DLGAP2: variants seen among roughly 807,000 people sequenced by gnomAD.
The protein encoded by DLGAP2 is disks large-associated protein 2.
DLGAP2 carries 26 observed loss-of-function variants against 100.3 expected under a neutral mutation model. The observed-to-expected ratio is 0.26, with a 90% CI of 0.19 to 0.36. The LOEUF is 0.36. DLGAP2 is among the 10% of genes least tolerant of loss of function. The probability of loss-of-function intolerance (pLI) is 1.00; values close to 1 mark genes in which losing one functional copy is unlikely to be tolerated. For synonymous variants in DLGAP2, 886 were observed against 630.1 expected (o/e 1.41, Z -6.08); for missense variants, 1,858 against 1,453.2 (o/e 1.28, Z -4.53).
chr8:1,095,291 A>C (rs1804330611), intron 2 of DLGAP2, among the ~76,000 whole-genome samples: 2 of 152,204 alleles, frequency 1.3e-5, no homozygotes, highest in African/African-American at 4.8e-5. Context: ...AGATGGGTTT[A>C]GCACCCAAAT....
rs756778396 is a variant in DLGAP2, at chr8:1,632,897, A to T, written c.1661A>T (p.Gln554Leu). ...CESVFSEVESQAMDALDLPGC... is the reference protein window; with the variant it reads ...CESVFSEVESLAMDALDLPGC... The stretch of plus-strand genomic sequence containing the variant: ...TCCGTCTTCAGTGAAGTTGAATCTC[A>T]GGCCATGGATGCCCTCGACCTCCCG... The change falls in exon 8 of 15, where the codon CAG becomes CTG. Residue 554 changes from glutamine to leucine, a missense_variant. Transcript: ENST00000637795. The T allele has an allele frequency of 1.9e-6, 3 of 1,613,944 alleles. No homozygotes were observed.
At position 1,461,622 on chromosome 8, in the gene DLGAP2, C is replaced by T. The variant is rs570334447; in HGVS notation, c.107-39744C>T. Among the ~76,000 whole-genome samples the T allele has an allele frequency of 1.2e-3, 44 of 37,416 alleles. No homozygotes were observed. In the East Asian group the frequency reaches 0.019, roughly 16 times the overall value. 24.5% of individuals were successfully genotyped at this position (37,416 alleles called of 152,430 possible). On this transcript the variant is annotated intron_variant, in intron 3 of 14. Coordinates refer to ENST00000637795, the MANE Select transcript of DLGAP2 (RefSeq NM_001346810.2). ...CGTGGGCTGGGTGCAGTCGCTGATT[C>T]GGTGGCCAGGAGGAGGGAGAAGGGC...
chr8:1,432,262 T>C (rs1363280190), intron 3 of DLGAP2, among the ~76,000 whole-genome samples: 1 of 152,268 alleles, frequency 6.6e-6, no homozygotes. Flanking sequence ...AAATTCTTTA[T>C]TGATTGGCTT....
At chr8:1,352,366 C>T (rs1342322196) in intron 3 of DLGAP2, among the ~76,000 whole-genome samples, 1 of 151,872 alleles carries the variant, frequency 6.6e-6, no homozygotes, top group East Asian at 1.9e-4. Flanking sequence ...CCAGCGACTC[C>T]CCCTGGGGCT....
At chr8:1,641,175 A>G (rs1177358945) in intron 8 of DLGAP2, among the ~76,000 whole-genome samples, 1 of 152,244 alleles carries the variant, frequency 6.6e-6, no homozygotes, top group Admixed American at 6.5e-5. Flanking sequence ...ACCTCTGTCT[A>G]GAACAGACAT....
intron 4 of DLGAP2, among the ~76,000 whole-genome samples, chr8:1,526,285 G>C (rs111332815): frequency 6.6e-6 from 1 of 151,900 alleles, no homozygotes; most frequent in African/African-American, 2.4e-5. Context: ...CTCTGTGACA[G>C]CGCCTCACCT....
At chr8:1,084,858 A>G (rs1481049476) in intron 2 of DLGAP2, among the ~76,000 whole-genome samples, 2 of 152,194 alleles carry the variant, frequency 1.3e-5, no homozygotes, top group African/African-American at 4.8e-5. Flanking sequence ...GCATCTCCAC[A>G]TGCTGATTTC....
chr8:799,589 C>A (rs760839748), intron 1 of DLGAP2, among the ~76,000 whole-genome samples: 9 of 152,196 alleles, frequency 5.9e-5, no homozygotes, highest in Non-Finnish European at 1.2e-4. Flanking sequence ...GCCTATCAAA[C>A]AGCTGATATG....
chr8:1,613,388 G>A (rs867740804), intron 6 of DLGAP2, among the ~76,000 whole-genome samples: 2 of 151,692 alleles, frequency 1.3e-5, no homozygotes, highest in South Asian at 4.2e-4. Flanking sequence ...TCTGGGGACT[G>A]TGGTGGGGTG....
chr8:962,153 T>A (rs777319128), intron 2 of DLGAP2, among the ~76,000 whole-genome samples: 23 of 152,376 alleles, frequency 1.5e-4, no homozygotes, highest in Non-Finnish European at 2.9e-4. Flanking sequence ...CATTTTCTTA[T>A]AATTTGCATT....
chr8:936,407 C>T (rs543107366), intron 2 of DLGAP2, among the ~76,000 whole-genome samples: 19 of 152,210 alleles, frequency 1.2e-4, no homozygotes, highest in Non-Finnish European at 2.8e-4. Context: ...ATTGCCTCCC[C>T]TGGGAGATGG....
chr8:1,203,402 C>T (rs987472609), intron 2 of DLGAP2, among the ~76,000 whole-genome samples: 3 of 151,872 alleles, frequency 2.0e-5, no homozygotes, highest in Non-Finnish European at 2.9e-5. Flanking sequence ...GCCCACCCTT[C>T]GGTGTTAGAA....
intron 4 of DLGAP2, among the ~76,000 whole-genome samples, chr8:1,516,475 CTGAG>C (rs575918325): frequency 1.6e-5 from 2 of 126,730 alleles, no homozygotes; most frequent in South Asian, 2.6e-4. Context: ...GAGTGGGTGA[CTGAG>C]TGAAAGAGTA....
intron 6 of DLGAP2, among the ~76,000 whole-genome samples, chr8:1,569,955 T>C (rs1015755965): frequency 1.3e-5 from 2 of 152,008 alleles, no homozygotes; most frequent in Admixed American, 1.3e-4. Flanking sequence ...ATGGCACTGC[T>C]CTGTGGAGGG....
At chr8:1,603,302 A>C (rs4876109) in intron 6 of DLGAP2, among the ~76,000 whole-genome samples, 195 of 102,314 alleles carry the variant, frequency 1.9e-3, no homozygotes, top group African/African-American at 2.3e-3. Context: ...AGAGTGGAGG[A>C]TGGGTCTCAG....
chr8:1,270,037 C>T (rs888503470), intron 3 of DLGAP2, among the ~76,000 whole-genome samples: 1 of 152,192 alleles, frequency 6.6e-6, no homozygotes, highest in African/African-American at 2.4e-5. Flanking sequence ...TTGCCCTTCT[C>T]AACATACAGT....
chr8:878,813 T>C (rs2128992921), intron 1 of DLGAP2, among the ~76,000 whole-genome samples: 1 of 152,324 alleles, frequency 6.6e-6, no homozygotes, highest in African/African-American at 2.4e-5. Context: ...CTCTACCATG[T>C]TGTGAGACAG....
At chr8:1,157,376 G>T (rs932591996) in intron 2 of DLGAP2, among the ~76,000 whole-genome samples, 3 of 152,168 alleles carry the variant, frequency 2.0e-5, no homozygotes, top group Non-Finnish European at 4.4e-5. Flanking sequence ...GTCCTCTTGA[G>T]AACTTGTTGT....
At chr8:1,093,372 TTCAC>T (rs1563187597) in intron 2 of DLGAP2, among the ~76,000 whole-genome samples, 3 of 140,308 alleles carry the variant, frequency 2.1e-5, no homozygotes, top group African/African-American at 8.7e-5. Flanking sequence ...CAGAAACACC[TTCAC>T]ACCAACAGCC....
Sources: gnomAD v4.1 joint callset for allele counts (sites outside exome capture counted in the v4.1 genomes callset) on GRCh38, gnomAD v4.1.1 for gene constraint, MANE v1.5 for transcripts, NCBI Gene and HGNC (gene_info 2026-07-23, HGNC 2026-07-21) for gene names.